ADORA2B: variants seen among roughly 807,000 people sequenced by gnomAD.
The protein encoded by ADORA2B is adenosine receptor A2b.
Under a neutral mutation model 20.8 loss-of-function variants are expected in ADORA2B, and 18 were observed. The ratio of observed to expected loss-of-function variants is 0.87; its 90% CI spans 0.60 to 1.29. The LOEUF is 1.29. Ranked by LOEUF, ADORA2B falls within the 50% of genes most tolerant of loss-of-function variation. The pLI is 0.00. For missense variants in ADORA2B, 441 were observed against 422.7 expected (o/e 1.04, Z -0.38); for synonymous variants, 179 against 178.3 (o/e 1.00, Z -0.03).
intron 1 of ADORA2B, among the ~76,000 whole-genome samples, chr17:15,950,195 G>T (rs1435965569): frequency 6.6e-6 from 1 of 152,236 alleles, no homozygotes; most frequent in Non-Finnish European, 1.5e-5. Flanking sequence ...AGATAAATCT[G>T]CAGAGAAGGC....
the ADORA2B span, among the ~76,000 whole-genome samples, chr17:15,854,407 C>T: frequency 1.3e-5 from 2 of 152,114 alleles, no homozygotes; most frequent in African/African-American, 4.8e-5. Flanking sequence ...AAAATATGTT[C>T]AGTAAAGATT....
chr17:15,908,323 C>T, the ADORA2B span, among the ~76,000 whole-genome samples: 1 of 152,150 alleles, frequency 6.6e-6, no homozygotes, highest in Non-Finnish European at 1.5e-5. Context: ...GCAGGTCTTC[C>T]GTTTTTGGAA....
At chr17:15,924,655 G>T in the ADORA2B span, among the ~76,000 whole-genome samples, 1 of 151,978 alleles carries the variant, frequency 6.6e-6, no homozygotes, top group Admixed American at 6.6e-5. Flanking sequence ...CAGGAGAATG[G>T]CGTGAACCCA....
chr17:15,938,396 G>A, the ADORA2B span, among the ~76,000 whole-genome samples: 5 of 152,068 alleles, frequency 3.3e-5, no homozygotes, highest in Non-Finnish European at 7.4e-5. Context: ...TCTGCCTCTC[G>A]AGTTCAAGTG....
At chr17:15,965,732 G>A (rs1377589367) in intron 1 of ADORA2B, among the ~76,000 whole-genome samples, 1 of 152,242 alleles carries the variant, frequency 6.6e-6, no homozygotes, top group Non-Finnish European at 1.5e-5. Flanking sequence ...AAAAAACAGT[G>A]CCTGCAGCTG....
chr17:15,973,050 C>G (rs950738069), intron 1 of ADORA2B, among the ~76,000 whole-genome samples: 4 of 152,206 alleles, frequency 2.6e-5, no homozygotes, highest in African/African-American at 9.7e-5. Context: ...TTTTTATCAA[C>G]TCTGCTGCTA....
At chr17:15,917,907 C>G in the ADORA2B span, among the ~76,000 whole-genome samples, 1 of 152,246 alleles carries the variant, frequency 6.6e-6, no homozygotes, top group Non-Finnish European at 1.5e-5. Flanking sequence ...CGGTCCCAGC[C>G]CCGCCTCCTG....
Position 15,945,174 on chromosome 17 carries a change from C to G in ADORA2B, c.-75C>G, listed in dbSNP as rs1157956236. ...GCGGTCCGGGCGCTATGGCCATGCC[C>G]GGCGGGTCTCACGCGGCTGCCCCTC... On this transcript the variant is annotated 5_prime_UTR_variant, in exon 1 of 2. Coordinates refer to ENST00000304222, the MANE Select transcript of ADORA2B (RefSeq NM_000676.4). 3 of 1,282,482 alleles carry G rather than the reference C, an allele frequency of 2.3e-6. No individual in the cohort carries two copies. The highest frequency in any genetic ancestry group is 2.0e-6 in the Non-Finnish European group (2 of 996,916). 79.4% of individuals were successfully genotyped at this position (1,282,482 alleles called of 1,614,324 possible).
At chr17:15,877,228 T>C in the ADORA2B span, among the ~76,000 whole-genome samples, 2 of 152,358 alleles carry the variant, frequency 1.3e-5, no homozygotes, top group South Asian at 2.1e-4. Flanking sequence ...TCGCTGAAGA[T>C]TGTAGGTTGA....
intron 1 of ADORA2B, among the ~76,000 whole-genome samples, chr17:15,959,494 ATTTTTTTT>A (rs56097835): frequency 1.3e-5 from 1 of 75,954 alleles, no homozygotes; most frequent in Non-Finnish European, 2.7e-5. Context: ...TCACATTCTG[ATTTTTTTT>A]TTTTTTTTTT....
intron 1 of ADORA2B, among the ~76,000 whole-genome samples, chr17:15,964,593 C>T (rs1244252894): frequency 1.0e-4 from 14 of 133,996 alleles, no homozygotes; most frequent in Admixed American, 9.0e-4. Flanking sequence ...CCAGTCTGGG[C>T]GACAAGAGCA....
At chr17:15,883,768 G>C in the ADORA2B span, among the ~76,000 whole-genome samples, 1 of 152,238 alleles carries the variant, frequency 6.6e-6, no homozygotes, top group Non-Finnish European at 1.5e-5. Flanking sequence ...CCTGTGTGTA[G>C]AGACGTGCTT....
the ADORA2B span, among the ~76,000 whole-genome samples, chr17:15,862,663 G>A: frequency 5.3e-5 from 8 of 151,856 alleles, no homozygotes; most frequent in Admixed American, 6.6e-5. Flanking sequence ...CTTACCTTTG[G>A]TATCTCTCCC....
Position 15,974,758 on chromosome 17 carries a change from A to G in ADORA2B, c.415A>G (p.Thr139Ala). Residue 139 changes from threonine (T) to alanine (A), a missense_variant, in exon 2 of 2, where the codon ACT becomes GCT. Thr to Ala is a moderately conservative substitution (Grantham distance 58). Transcript: ENST00000304222. ...GGTCCTTGCCTTTGGCATCGGATTG[A>G]CTCCATTCCTGGGGTGGAACAGTAA... ...LWVLAFGIGLTPFLGWNSKDS... is the reference protein window; with the variant it reads ...LWVLAFGIGLAPFLGWNSKDS... 1 of 1,613,962 alleles carries G rather than the reference A, an allele frequency of 6.2e-7. No individual in the cohort carries two copies. The highest frequency in any genetic ancestry group is 8.5e-7 in the Non-Finnish European group (1 of 1,180,010).
At chr17:15,907,289 A>G in the ADORA2B span, among the ~76,000 whole-genome samples, 1 of 152,076 alleles carries the variant, frequency 6.6e-6, no homozygotes, top group African/African-American at 2.4e-5. Context: ...CTCATGACTA[A>G]TGATATGCTG....
At chr17:15,857,470 T>C in the ADORA2B span, among the ~76,000 whole-genome samples, 1 of 152,130 alleles carries the variant, frequency 6.6e-6, no homozygotes. Context: ...TGACAGTGTG[T>C]ACCGTGCACC....
chr17:15,939,891 A>ATTTTCTCTGAATGTCTGAGGGCAGAGTG, the ADORA2B span, among the ~76,000 whole-genome samples: 9 of 150,208 alleles, frequency 6.0e-5, no homozygotes, highest in Non-Finnish European at 1.2e-4. Flanking sequence ...AAGAAGTTAC[A>ATTTTCTCTGAATGTCTGAGGGCAGAGTG]TTTTCTCTGA....
chr17:15,963,998 G>A (rs1421012909), intron 1 of ADORA2B, among the ~76,000 whole-genome samples: 1 of 152,174 alleles, frequency 6.6e-6, no homozygotes, highest in Non-Finnish European at 1.5e-5. Context: ...CCGGGGCCAG[G>A]GCCTCCTGGG....
At chr17:15,902,615 C>G in the ADORA2B span, among the ~76,000 whole-genome samples, 12 of 152,342 alleles carry the variant, frequency 7.9e-5, no homozygotes, top group Admixed American at 5.9e-4. Context: ...TTCATCCTGG[C>G]TGGAGCCTTT....
Sources: allele counts gnomAD v4.1 joint callset (sites outside exome capture counted in the v4.1 genomes callset), GRCh38; gene constraint gnomAD v4.1.1; transcripts MANE v1.5; gene names NCBI Gene and HGNC (gene_info 2026-07-23, HGNC 2026-07-21).